PHLDB3: variants seen among roughly 807,000 people sequenced by gnomAD.
The protein encoded by PHLDB3 is pleckstrin homology like domain family B member 3, also known as pleckstrin homology-like domain family B member 3.
PHLDB3 carries 86 observed loss-of-function variants against 85.7 expected under a neutral mutation model. That is an observed-to-expected ratio of 1.00 (90% confidence interval 0.84 to 1.20). The LOEUF is 1.20. Among genes scored for constraint, PHLDB3 ranks in the 50% most tolerant of loss-of-function variants. The pLI, the probability that PHLDB3 is intolerant of heterozygous loss-of-function variation, is 0.00. For missense variants in PHLDB3, 995 were observed against 873.0 expected (o/e 1.14, Z -1.76); for synonymous variants, 376 against 349.8 (o/e 1.07, Z -0.83).
At chr19:43,491,697 C>T (rs1256787635) in intron 9 of PHLDB3, among the ~76,000 whole-genome samples, 3 of 149,302 alleles carry the variant, frequency 2.0e-5, no homozygotes, top group African/African-American at 5.0e-5. Context: ...GACAAGGTCT[C>T]GCTCTGTTGC....
At chr19:43,485,571 T>C (rs1971136818) in intron 13 of PHLDB3, among the ~76,000 whole-genome samples, 1 of 151,538 alleles carries the variant, frequency 6.6e-6, no homozygotes, top group African/African-American at 2.4e-5. Flanking sequence ...TTTTTTTTTT[T>C]TTTGAGACAG....
intron 4 of PHLDB3, 43 bp downstream of exon 4, chr19:43,501,691 C>G: frequency 6.4e-7 from 1 of 1,567,404 alleles, no homozygotes; most frequent in Non-Finnish European, 8.6e-7. Flanking sequence ...ATCCATGGAC[C>G]AGGAAGGACA....
intron 11 of PHLDB3, 38 bp from the exon 12 acceptor site, chr19:43,486,734 G>C (rs370893466): frequency 6.8e-6 from 11 of 1,612,594 alleles, no homozygotes; most frequent in Middle Eastern, 1.7e-4. Context: ...GGTTACAGTG[G>C]CTGGGCCTCT....
intron 9 of PHLDB3, among the ~76,000 whole-genome samples, chr19:43,491,777 C>T (rs1158798636): frequency 6.6e-6 from 1 of 151,066 alleles, no homozygotes; most frequent in East Asian, 1.9e-4. Context: ...AGCAATTCTC[C>T]TGCCAAAGCC....
At chr19:43,495,697 G>A (rs1173488337) in intron 6 of PHLDB3, 77 bp from the exon 7 acceptor site, 1 of 1,516,902 alleles carries the variant, frequency 6.6e-7, no homozygotes, top group Non-Finnish European at 8.8e-7. Flanking sequence ...TCTGCCTGGA[G>A]GGCTGGGGTT....
chr19:43,485,300 C>T (rs1425396765), intron 13 of PHLDB3, among the ~76,000 whole-genome samples: 1 of 151,768 alleles, frequency 6.6e-6, no homozygotes, highest in East Asian at 1.9e-4. Context: ...GCAACCTGCA[C>T]CTCCCAGGTT....
At position 43,475,463 on chromosome 19, in the gene PHLDB3, G is replaced by C. The variant is rs1970906560; in HGVS notation, c.1870C>G (p.Arg624Gly). The C allele has an allele frequency of 2.5e-6, 4 of 1,613,984 alleles. No homozygotes were observed. Among genetic ancestry groups the C allele is most frequent in the Non-Finnish European group, 3.4e-6 (4 of 1,179,882 alleles). ...GTCACGATGACGTCCATCCAAATGC[G>C]CATGGCTTCGGGGCTCGGAGCCACC... is the stretch of plus-strand genomic sequence containing the variant. ...YMVAPSPEAM[R>G]IWMDVIVTAA... is the part of the protein sequence containing the mutation. Residue 624 changes from arginine (R) to glycine (G), a missense_variant, in exon 16 of 16, where the codon CGC (arginine) becomes GGC (glycine). Coordinates refer to ENST00000292140, the MANE Select transcript of PHLDB3 (RefSeq NM_198850.4).
At chr19:43,488,979 T>C (rs1036030291) in intron 9 of PHLDB3, among the ~76,000 whole-genome samples, 2 of 152,104 alleles carry the variant, frequency 1.3e-5, no homozygotes, top group Non-Finnish European at 2.9e-5. Context: ...TTTGTATTTT[T>C]AGTAGAGATG....
chr19:43,502,371 T>C, intron 2 of PHLDB3, 88 bp from the exon 3 acceptor site: 1 of 1,317,030 alleles, frequency 7.6e-7, no homozygotes, highest in Non-Finnish European at 1.0e-6. Flanking sequence ...CATCACCCTC[T>C]GCGGGTCTCA....
At chr19:43,497,942 T>C (rs897393839) in intron 4 of PHLDB3, 66 bp from the exon 5 acceptor site, 3 of 1,539,188 alleles carry the variant, frequency 1.9e-6, no homozygotes, top group African/African-American at 1.4e-5. Flanking sequence ...GCCAGCCATA[T>C]CTCAGAGCCT....
At chr19:43,483,604 T>C (rs981754693) in intron 13 of PHLDB3, among the ~76,000 whole-genome samples, 1 of 152,134 alleles carries the variant, frequency 6.6e-6, no homozygotes, top group African/African-American at 2.4e-5. Context: ...ACAAAACGCA[T>C]TGATTCTATG....
intron 4 of PHLDB3, chr19:43,501,412 T>A: frequency 2.9e-6 from 1 of 345,170 alleles, no homozygotes; most frequent in Non-Finnish European, 5.4e-6. Flanking sequence ...CTCAAACTCC[T>A]GAGCTCAGGC....
chr19:43,504,201 C>G, intron 1 of PHLDB3, 69 bp from the exon 2 acceptor site: 3 of 1,388,902 alleles, frequency 2.2e-6, no homozygotes, highest in Non-Finnish European at 2.9e-6. Context: ...CTCGCGTCTG[C>G]TCCGGGGCGC....
intron 4 of PHLDB3, among the ~76,000 whole-genome samples, chr19:43,500,496 A>G (rs1252316206): frequency 6.6e-6 from 1 of 152,172 alleles, no homozygotes; most frequent in Non-Finnish European, 1.5e-5. Flanking sequence ...GAACCACCAG[A>G]GATAAAACAA....
chr19:43,502,407 A>C, intron 2 of PHLDB3, 124 bp from the exon 3 acceptor site: 2 of 813,494 alleles, frequency 2.5e-6, no homozygotes, highest in Non-Finnish European at 3.7e-6. Flanking sequence ...TACCTAACAC[A>C]ACCACCACTC....
At position 43,503,916 on chromosome 19, in the gene PHLDB3, C is replaced by T. The variant is rs1390321760; in HGVS notation, c.203G>A (p.Ser68Asn). ...CCTCGGGCCCCTCACCGCGTCGCGGCTGCTCTCAGTGCTGCTGCCTTCTCC... is the reference window on the plus strand; with the variant it reads ...CCTCGGGCCCCTCACCGCGTCGCGGTTGCTCTCAGTGCTGCTGCCTTCTCC... ...EVGEGSSTES[S>N]RDAPEATPPI... Residue 68 changes from serine (S) to asparagine (N), a missense_variant, in exon 2 of 16, where the codon AGC (serine) becomes AAC (asparagine). Coordinates refer to ENST00000292140, the MANE Select transcript of PHLDB3 (RefSeq NM_198850.4). The T allele has an allele frequency of 6.2e-7, 1 of 1,613,868 alleles. No homozygotes were observed. Among genetic ancestry groups the T allele is most frequent in the Non-Finnish European group, 8.5e-7 (1 of 1,179,812 alleles).
chr19:43,496,891 T>A, intron 6 of PHLDB3: 7 of 597,506 alleles, frequency 1.2e-5, no homozygotes, highest in Non-Finnish European at 1.7e-5. Flanking sequence ...AAAAACGTAA[T>A]AGAACTTGCC....
chr19:43,486,509 C>T, intron 12 of PHLDB3, 100 bp downstream of exon 12: 2 of 1,417,992 alleles, frequency 1.4e-6, no homozygotes, highest in South Asian at 1.4e-5. Context: ...GGGGCCTGGA[C>T]CCCTGGGTCT....
chr19:43,494,560 A>G (rs1971396166), intron 9 of PHLDB3, 142 bp downstream of exon 9: 2 of 646,988 alleles, frequency 3.1e-6, no homozygotes, highest in Admixed American at 5.9e-5. Flanking sequence ...CCCTTGGCCA[A>G]CCTTCCCTAT....
Sources: gnomAD v4.1 joint callset for allele counts (sites outside exome capture counted in the v4.1 genomes callset) on GRCh38, gnomAD v4.1.1 for gene constraint, MANE v1.5 for transcripts, NCBI Gene and HGNC (gene_info 2026-07-23, HGNC 2026-07-21) for gene names.